Variants in EPM2A observed in about 807,000 individuals in gnomAD.
The protein encoded by EPM2A is laforin.
Under a neutral mutation model 26.5 loss-of-function variants are expected in EPM2A, and 21 were observed. The observed-to-expected ratio is 0.79, with a 90% CI of 0.56 to 1.14. EPM2A has a LOEUF of 1.14. Among genes scored for constraint, EPM2A ranks in the 50% most tolerant of loss-of-function variants. The pLI, the probability that EPM2A is intolerant of heterozygous loss-of-function variation, is 0.00. For synonymous variants in EPM2A, 217 were observed against 177.6 expected, an observed-to-expected ratio of 1.22 and a Z score of -1.76; for missense variants, 458 against 440.8, an observed-to-expected ratio of 1.04 and a Z score of -0.35.
chr6:145,651,901 G>A (rs1777910101), intron 2 of EPM2A, among the ~76,000 whole-genome samples: 1 of 152,076 alleles, frequency 6.6e-6, no homozygotes, highest in Non-Finnish European at 1.5e-5. Context: ...TTCCAAGAAT[G>A]TCTGTGTGTG....
intron 1 of EPM2A, among the ~76,000 whole-genome samples, chr6:145,733,578 T>C (rs965145051): frequency 5.9e-5 from 9 of 152,132 alleles, no homozygotes; most frequent in African/African-American, 1.9e-4. Context: ...AAAGGGAAGA[T>C]CTTTGTTTCA....
chr6:145,453,277 G>A (rs1344473889), intron 4 of EPM2A, among the ~76,000 whole-genome samples: 1 of 152,084 alleles, frequency 6.6e-6, no homozygotes, highest in East Asian at 1.9e-4. Flanking sequence ...AATAGTACAT[G>A]AGATTAATCC....
chr6:145,569,991 G>C (rs1441955618), intron 2 of EPM2A, among the ~76,000 whole-genome samples: 2 of 152,178 alleles, frequency 1.3e-5, no homozygotes, highest in Admixed American at 1.3e-4. Flanking sequence ...CCCGATGTTC[G>C]AGGGCAGGAA....
intron 4 of EPM2A, among the ~76,000 whole-genome samples, chr6:145,406,345 T>C (rs1778569127): frequency 6.6e-6 from 1 of 152,152 alleles, no homozygotes; most frequent in African/African-American, 2.4e-5. Flanking sequence ...TCTTTTTACA[T>C]ACAAAAAATT....
chr6:145,714,010 A>G (rs745689779), intron 1 of EPM2A, among the ~76,000 whole-genome samples: 1 of 152,258 alleles, frequency 6.6e-6, no homozygotes, highest in Non-Finnish European at 1.5e-5. Context: ...CTCCATTTCT[A>G]TGAAATATCC....
intron 2 of EPM2A, among the ~76,000 whole-genome samples, chr6:145,587,302 T>C (rs1781208398): frequency 6.6e-6 from 1 of 152,186 alleles, no homozygotes; most frequent in African/African-American, 2.4e-5. Context: ...ATGTTTCTAT[T>C]TTGTACTCAT....
intron 4 of EPM2A, among the ~76,000 whole-genome samples, chr6:145,394,542 C>T (rs184234646): frequency 1.4e-4 from 21 of 152,274 alleles, no homozygotes; most frequent in African/African-American, 4.6e-4. Context: ...CTCCAAGGGC[C>T]TCATAATCCC....
At chr6:145,735,738 C>T (rs564964917), upstream of EPM2A, 683 of 740,168 alleles carry the variant, frequency 9.2e-4, no homozygotes, top group Non-Finnish European at 1.1e-3. Context: ...CCCCGCAACC[C>T]CGCGGGCGGT....
At chr6:145,496,728 A>ATGTTTTTT (rs779194973), downstream of EPM2A, among the ~76,000 whole-genome samples, 11 of 106,906 alleles carry the variant, frequency 1.0e-4, 4 homozygotes, top group Non-Finnish European at 2.2e-4. Context: ...AGTTCCTGCA[A>ATGTTTTTT]TTTTTTTTTT....
intron 2 of EPM2A, among the ~76,000 whole-genome samples, chr6:145,556,912 T>C (rs1780734835): frequency 6.6e-6 from 1 of 152,108 alleles, no homozygotes; most frequent in Admixed American, 6.6e-5. Context: ...GTGGTGTATA[T>C]ATGGAAATAT....
At chr6:145,506,001 G>T (rs1298224467) in intron 2 of EPM2A, among the ~76,000 whole-genome samples, 1 of 152,094 alleles carries the variant, frequency 6.6e-6, no homozygotes, top group African/African-American at 2.4e-5. Flanking sequence ...AGCCAAAAAG[G>T]GCATCACACT....
chr6:145,531,273 T>C (rs412350), intron 2 of EPM2A, among the ~76,000 whole-genome samples: 53,848 of 151,976 alleles, frequency 0.35, 10,104 homozygotes, highest in South Asian at 0.51. Flanking sequence ...AAAGCCTTTG[T>C]CATTTAATGT....
At chr6:145,579,621 A>AC (rs2114834605) in intron 2 of EPM2A, among the ~76,000 whole-genome samples, 1 of 152,340 alleles carries the variant, frequency 6.6e-6, no homozygotes, top group East Asian at 1.9e-4. Context: ...TTTATAGGCA[A>AC]CAAAATTGGG....
chr6:145,581,112 T>G (rs1360874646), intron 2 of EPM2A, among the ~76,000 whole-genome samples: 1 of 152,208 alleles, frequency 6.6e-6, no homozygotes, highest in African/African-American at 2.4e-5. Flanking sequence ...CTAATTTACA[T>G]TCCCACTTGC....
At chr6:145,559,579 A>T (rs908638725) in intron 2 of EPM2A, among the ~76,000 whole-genome samples, 14 of 151,786 alleles carry the variant, frequency 9.2e-5, no homozygotes, top group African/African-American at 2.7e-4. Flanking sequence ...GAAAAGATAA[A>T]TTTTTTTTAA....
chr6:145,461,738 C>T (rs1302007104), intron 4 of EPM2A, among the ~76,000 whole-genome samples: 3 of 152,162 alleles, frequency 2.0e-5, no homozygotes, highest in Non-Finnish European at 2.9e-5. Context: ...GTTTCCCTAA[C>T]TTCCAGCAAA....
intron 1 of EPM2A, among the ~76,000 whole-genome samples, chr6:145,729,738 C>T (rs1776388063): frequency 6.6e-6 from 1 of 152,108 alleles, no homozygotes; most frequent in African/African-American, 2.4e-5. Flanking sequence ...TGAGTTAATG[C>T]TGAAATAAGC....
chr6:145,408,301 C>T (rs1043068486), intron 4 of EPM2A, among the ~76,000 whole-genome samples: 1 of 152,146 alleles, frequency 6.6e-6, no homozygotes, highest in African/African-American at 2.4e-5. Context: ...AGCTGTACTA[C>T]CCAGCACCCT....
chr6:145,584,563 T>A (rs1265374396), intron 2 of EPM2A, among the ~76,000 whole-genome samples: 3 of 152,270 alleles, frequency 2.0e-5, no homozygotes, highest in African/African-American at 7.2e-5. Flanking sequence ...AGGCTGGAAT[T>A]CTGCTCCTAC....
Sources: allele counts gnomAD v4.1 joint callset (sites outside exome capture counted in the v4.1 genomes callset), GRCh38; gene constraint gnomAD v4.1.1; transcripts MANE v1.5; gene names NCBI Gene and HGNC (gene_info 2026-07-23, HGNC 2026-07-21).